Variants in ROBO1 observed in about 807,000 individuals in gnomAD.
ROBO1 encodes roundabout homolog 1.
Under a neutral mutation model 195.9 loss-of-function variants are expected in ROBO1, and 149 were observed. The ratio of observed to expected loss-of-function variants is 0.76; its 90% CI spans 0.67 to 0.87. ROBO1 has a LOEUF of 0.87. Among genes scored for constraint, ROBO1 ranks in the 40% least tolerant of loss-of-function variants. ROBO1 has a pLI of 0.00. For missense variants in ROBO1, 1,933 were observed against 2,068.3 expected (o/e 0.93, Z 1.27); for synonymous variants, 816 against 733.2 (o/e 1.11, Z -1.82).
chr3:79,406,319 C>G (rs1345519753), intron 2 of ROBO1, among the ~76,000 whole-genome samples: 1 of 151,692 alleles, frequency 6.6e-6, no homozygotes, highest in African/African-American at 2.4e-5. Context: ...TCCCATAGTC[C>G]CAGCTACTCA....
At chr3:79,156,109 T>TA in intron 2 of ROBO1, among the ~76,000 whole-genome samples, 1 of 151,818 alleles carries the variant, frequency 6.6e-6, no homozygotes, top group South Asian at 2.1e-4. Flanking sequence ...ATACTTCACT[T>TA]AAAATGCCTT....
chr3:79,095,820 A>AT (rs2079556644), intron 3 of ROBO1, among the ~76,000 whole-genome samples: 1 of 151,592 alleles, frequency 6.6e-6, no homozygotes, highest in African/African-American at 2.4e-5. Flanking sequence ...AAAATACCAC[A>AT]TTTTTTCACT....
chr3:78,763,339 T>C (rs563786763), intron 4 of ROBO1, among the ~76,000 whole-genome samples: 7 of 152,138 alleles, frequency 4.6e-5, no homozygotes, highest in Non-Finnish European at 5.9e-5. Context: ...TAAGTACATA[T>C]GGCCTCTGTA....
At chr3:79,703,737 A>C (rs1343887229) in intron 1 of ROBO1, among the ~76,000 whole-genome samples, 1 of 151,996 alleles carries the variant, frequency 6.6e-6, no homozygotes, top group Non-Finnish European at 1.5e-5. Flanking sequence ...GAAACAAAAC[A>C]GTATAGGGAA....
chr3:79,324,038 C>T (rs184063321), intron 2 of ROBO1, among the ~76,000 whole-genome samples: 19 of 152,022 alleles, frequency 1.2e-4, no homozygotes, highest in African/African-American at 4.6e-4. Flanking sequence ...GAAATTTTAA[C>T]AGTTGCTGTC....
intron 2 of ROBO1, among the ~76,000 whole-genome samples, chr3:79,300,922 C>T (rs2032911060): frequency 6.6e-6 from 1 of 152,088 alleles, no homozygotes; most frequent in Admixed American, 6.5e-5. Flanking sequence ...TTGTGTCTAG[C>T]TCAGGGATTG....
At chr3:79,099,017 TC>T (rs1183922927) in intron 3 of ROBO1, among the ~76,000 whole-genome samples, 1 of 151,652 alleles carries the variant, frequency 6.6e-6, no homozygotes, top group Non-Finnish European at 1.5e-5. Context: ...TGAAAAAAAT[TC>T]CTTATAGTAT....
At chr3:78,711,376 TTCCTTCCTTCCTTCCTTCC>T (rs2081714780) in intron 8 of ROBO1, among the ~76,000 whole-genome samples, 1 of 29,010 alleles carries the variant, frequency 3.4e-5, no homozygotes, top group African/African-American at 1.5e-4. Context: ...CCTTCCTTCC[TTCCTTCCTTCCTTCCTTCC>T]TTCCTTTCTT....
At chr3:79,019,638 G>A (rs2078056348) in intron 3 of ROBO1, among the ~76,000 whole-genome samples, 1 of 152,016 alleles carries the variant, frequency 6.6e-6, no homozygotes, top group African/African-American at 2.4e-5. Flanking sequence ...GCCCAACTGC[G>A]CCCTCAGGTG....
intron 4 of ROBO1, among the ~76,000 whole-genome samples, chr3:78,843,554 A>G (rs866283647): frequency 1.3e-5 from 2 of 152,234 alleles, no homozygotes; most frequent in Non-Finnish European, 1.5e-5. Flanking sequence ...AACAGGTATC[A>G]GATGAACCTG....
intron 5 of ROBO1, among the ~76,000 whole-genome samples, chr3:78,744,568 C>T (rs2082610934): frequency 6.6e-6 from 1 of 152,222 alleles, no homozygotes; most frequent in Non-Finnish European, 1.5e-5. Flanking sequence ...TTTACTCATT[C>T]TGTTCAACCA....
intron 2 of ROBO1, among the ~76,000 whole-genome samples, chr3:79,262,662 AAG>A (rs752156396): frequency 6.6e-6 from 1 of 152,116 alleles, no homozygotes; most frequent in Non-Finnish European, 1.5e-5. Flanking sequence ...TAAAAGTACA[AAG>A]AGAAATTGCT....
At chr3:78,753,360 T>A (rs935845415) in intron 4 of ROBO1, among the ~76,000 whole-genome samples, 1 of 152,134 alleles carries the variant, frequency 6.6e-6, no homozygotes, top group Non-Finnish European at 1.5e-5. Context: ...AATATGAACA[T>A]CATAATGACA....
intron 1 of ROBO1, among the ~76,000 whole-genome samples, chr3:79,704,736 G>A (rs1417047208): frequency 6.6e-6 from 1 of 152,002 alleles, no homozygotes; most frequent in Non-Finnish European, 1.5e-5. Flanking sequence ...TAATAGGAGT[G>A]TATTTACTTT....
intron 3 of ROBO1, among the ~76,000 whole-genome samples, chr3:79,120,607 T>C (rs1344192716): frequency 6.6e-6 from 1 of 152,134 alleles, no homozygotes; most frequent in Non-Finnish European, 1.5e-5. Context: ...TAAGAAAGTC[T>C]TGGGTCTGAA....
intron 2 of ROBO1, among the ~76,000 whole-genome samples, chr3:79,235,358 C>T (rs905877864): frequency 6.6e-6 from 1 of 152,080 alleles, no homozygotes; most frequent in South Asian, 2.1e-4. Context: ...AAAGTATTTT[C>T]ATAATCATCA....
intron 2 of ROBO1, among the ~76,000 whole-genome samples, chr3:79,530,050 T>C (rs1440806569): frequency 6.6e-6 from 1 of 152,096 alleles, no homozygotes; most frequent in Non-Finnish European, 1.5e-5. Flanking sequence ...AGAGATGTCT[T>C]TGACAATCAA....
chr3:79,518,672 TTTATTA>T (rs200268209), intron 2 of ROBO1, among the ~76,000 whole-genome samples: 3 of 151,484 alleles, frequency 2.0e-5, no homozygotes, highest in Middle Eastern at 3.4e-3. Context: ...CTCCAAATCT[TTTATTA>T]TTATTATTAT....
Position 79,631,843 on chromosome 3 carries a change from G to A in ROBO1, c.-50-41882C>T, listed in dbSNP as rs564563722. ...ACATGAACAGACATTCCTCAAAAAAGATATAGAAGTGGCCAAAATACATAT... is the reference window on the plus strand; with the variant it reads ...ACATGAACAGACATTCCTCAAAAAAAATATAGAAGTGGCCAAAATACATAT... On this transcript the variant is annotated intron_variant, in intron 1 of 30. Transcript: ENST00000464233. 3.3e-5 allele frequency among the ~76,000 whole-genome samples: 5 copies of A among 152,052 alleles called. No homozygotes were observed. In the South Asian group the frequency reaches 1.0e-3, roughly 32 times the overall value.
Sources: gnomAD v4.1 joint callset for allele counts (sites outside exome capture counted in the v4.1 genomes callset) on GRCh38, gnomAD v4.1.1 for gene constraint, MANE v1.5 for transcripts, NCBI Gene and HGNC (gene_info 2026-07-23, HGNC 2026-07-21) for gene names.